Variants in PPDPF observed in about 807,000 individuals in gnomAD.
The protein encoded by PPDPF is exocrine differentiation and proliferation factor.
Under a neutral mutation model 6.3 loss-of-function variants are expected in PPDPF, and 11 were observed. That is an observed-to-expected ratio of 1.76 (90% CI 1.11 to 2.91). The LOEUF is 2.91. Among genes scored for constraint, PPDPF ranks in the 30% most tolerant of loss-of-function variants. PPDPF has a pLI of 0.00. For missense variants in PPDPF, 202 were observed against 159.4 expected, an observed-to-expected ratio of 1.27 and a Z score of -1.44; for synonymous variants, 86 against 64.5, an observed-to-expected ratio of 1.33 and a Z score of -1.60.
At position 63,521,978 on chromosome 20, in the gene PPDPF, C is replaced by A. The variant is rs1400586980; in HGVS notation, c.*99C>A. The A allele has an allele frequency of 2.3e-6, 2 of 873,574 alleles. No homozygotes were observed. The highest frequency in any genetic ancestry group is 3.5e-6 in the Non-Finnish European group (2 of 569,856). 54.1% of individuals were successfully genotyped at this position (873,574 alleles called of 1,614,324 possible). The stretch of plus-strand genomic sequence containing the variant: ...ACTCCGCATCCCTCGCCCCCCTCCC[C>A]ACCTCCCACCCCCCACCCTGTAAAC... On this transcript the variant is annotated 3_prime_UTR_variant, in exon 4 of 4. Transcript: ENST00000370179.
chr20:63,521,040 G>A, intron 1 of PPDPF, 146 bp downstream of exon 1: 2 of 678,722 alleles, frequency 2.9e-6, no homozygotes, highest in Non-Finnish European at 4.1e-6. Flanking sequence ...CGGGCGGGTT[G>A]GGACGGCGCC....
intron 1 of PPDPF, 43 bp from the exon 2 acceptor site, chr20:63,521,241 G>A: frequency 6.7e-7 from 1 of 1,496,402 alleles, no homozygotes; most frequent in Non-Finnish European, 9.0e-7. Flanking sequence ...CCTTCATGAC[G>A]GAAGGCCGCT....
At position 63,521,249 on chromosome 20, in the gene PPDPF, GC is replaced by G; in HGVS notation, c.-25-34del. 14 of 1,525,652 alleles carry G rather than the reference GC, an allele frequency of 9.2e-6. No individual in the cohort carries two copies. In the Middle Eastern group the frequency reaches 2.4e-3, roughly 263 times the overall value. 94.5% of individuals were successfully genotyped at this position (1,525,652 alleles called of 1,614,324 possible). A position where few individuals can be genotyped will look rare whatever the true frequency, so the allele number is the denominator to read the frequency against. Reference sequence around the variant, plus strand: ...GGAGCGCCCTTCATGACGGAAGGCCGCTGACCCGAGGGGCTCCTCCACCCCC... The same window carrying G: ...GGAGCGCCCTTCATGACGGAAGGCCGTGACCCGAGGGGCTCCTCCACCCCC... On this transcript the variant is annotated intron_variant, in intron 1 of 3. Transcript: ENST00000370179.
chr20:63,522,170 G>A lies in PPDPF; in HGVS notation c.*291G>A, dbSNP rs1204576900. On this transcript the variant is annotated 3_prime_UTR_variant, in exon 4 of 4. Transcript: ENST00000370179. Reference sequence around the variant, plus strand: ...TAAACTCCAAGCAGCCAGTAGCCCCGATGGTGTGTGCCTGAGCTGTGTGGC... The same window carrying A: ...TAAACTCCAAGCAGCCAGTAGCCCCAATGGTGTGTGCCTGAGCTGTGTGGC... The A allele has an allele frequency of 5.9e-6, 3 of 504,268 alleles. No individual in the cohort carries two copies. The highest frequency in any genetic ancestry group is 3.8e-5 in the East Asian group (1 of 26,116). The allele number at this position is 504,268 out of a possible 1,614,324, so 31.2% of individuals were successfully genotyped here.
Position 63,521,532 on chromosome 20 carries a change from A to G in PPDPF, c.76A>G (p.Ser26Gly). Residue 26 changes from serine to glycine, a missense_variant, in exon 3 of 4, where the codon AGC becomes GGC. Physicochemically the swap from Ser to Gly is moderately conservative, Grantham distance 56 (BLOSUM62 0). Coordinates refer to ENST00000370179, the MANE Select transcript of PPDPF (RefSeq NM_024299.4). ...YYRRRLGSTS[S>G]NSSCSSTECP... ...TCCAGGCCGCCTGGGTTCCACTTCCAGCAACAGCTCCTGCAGCAGTACCGA... is the reference window on the plus strand; with the variant it reads ...TCCAGGCCGCCTGGGTTCCACTTCCGGCAACAGCTCCTGCAGCAGTACCGA... The G allele has an allele frequency of 6.3e-7, 1 of 1,586,292 alleles. No homozygotes were observed. Among genetic ancestry groups the G allele is most frequent in the Non-Finnish European group, 8.6e-7 (1 of 1,164,800 alleles).
In PPDPF at chr20:63,521,494, G is replaced by A. The variant is rs1277264257; in HGVS notation, c.56-18G>A. ...GGGCTCCGCGCCCCGCGTTGCTGAC[G>A]GGACCTCTCCTCTCCAGGCCGCCTG... is the stretch of plus-strand genomic sequence containing the variant. On this transcript the variant is annotated intron_variant, in intron 2 of 3. Coordinates refer to ENST00000370179, the MANE Select transcript of PPDPF (RefSeq NM_024299.4). 7 of 1,563,844 alleles carry A rather than the reference G, an allele frequency of 4.5e-6. No individual in the cohort carries two copies. In the African/African-American group the frequency reaches 5.4e-5, roughly 12 times the overall value.
intron 1 of PPDPF, 27 bp from the exon 2 acceptor site, chr20:63,521,257 G>T (rs368233557): frequency 5.2e-6 from 8 of 1,549,918 alleles, no homozygotes; most frequent in East Asian, 4.9e-5. Flanking sequence ...CCGCTGACCC[G>T]AGGGGCTCCT....
Position 63,522,202 on chromosome 20 carries a change from T to G in PPDPF, c.*323T>G. 1 of 399,136 alleles carries G rather than the reference T, an allele frequency of 2.5e-6. No homozygotes were observed. Among genetic ancestry groups the G allele is most frequent in the African/African-American group, 2.1e-5 (1 of 48,498 alleles). The allele number at this position is 399,136 out of a possible 1,614,324, so 24.7% of individuals were successfully genotyped here. A position where few individuals can be genotyped will look rare whatever the true frequency, so the allele number is the denominator to read the frequency against. On this transcript the variant is annotated 3_prime_UTR_variant, in exon 4 of 4. Coordinates refer to ENST00000370179, the MANE Select transcript of PPDPF (RefSeq NM_024299.4). ...TGTGCCTGAGCTGTGTGGCCCGAGG[T>G]TCCATTTGAGTGTGAGAAATGGCTG...
rs917418629 is a variant in PPDPF at position 63,522,198 on chromosome 20, G to C, written c.*319G>C. On this transcript the variant is annotated 3_prime_UTR_variant, in exon 4 of 4. Coordinates refer to ENST00000370179, the MANE Select transcript of PPDPF (RefSeq NM_024299.4). Reference sequence around the variant, plus strand: ...GGTGTGTGCCTGAGCTGTGTGGCCCGAGGTTCCATTTGAGTGTGAGAAATG... The same window carrying C: ...GGTGTGTGCCTGAGCTGTGTGGCCCCAGGTTCCATTTGAGTGTGAGAAATG... 7.0e-6 allele frequency: 3 copies of C among 429,118 alleles called. No individual in the cohort carries two copies. Among genetic ancestry groups the C allele is most frequent in the Non-Finnish European group, 4.3e-6 (1 of 230,176 alleles). 26.6% of individuals were successfully genotyped at this position (429,118 alleles called of 1,614,324 possible).
rs1192385362 is a variant in PPDPF, at chr20:63,521,714, C to T, written c.180C>T (p.Phe60=). 9 of 1,613,290 alleles carry T rather than the reference C, an allele frequency of 5.6e-6. No homozygotes were observed. The highest frequency in any genetic ancestry group is 1.6e-4 in the Middle Eastern group (1 of 6,084). ...DPGHWWASFF[F]GKSTLPFMAT... is the part of the protein sequence containing the mutation. ...GTCATTGGTGGGCCAGCTTCTTTTT[C>T]GGGAAGTCCACCCTCCCGTTCATGG... The change falls in exon 4 of 4, where the codon TTC becomes TTT. Residue 60 remains phenylalanine (F), a synonymous_variant. Transcript: ENST00000370179.
In PPDPF at chr20:63,521,951, C is replaced by A. The variant is rs1205956564; in HGVS notation, c.*72C>A. On this transcript the variant is annotated 3_prime_UTR_variant, in exon 4 of 4. Transcript: ENST00000370179. ...CCAGAGCCCCTCCCCGCCCCTCTCC[C>A]CACTCCGCATCCCTCGCCCCCCTCC... 1 of 1,230,270 alleles carries A rather than the reference C, an allele frequency of 8.1e-7. No homozygotes were observed. The allele number at this position is 1,230,270 out of a possible 1,614,324, so 76.2% of individuals were successfully genotyped here.
In PPDPF at chr20:63,521,503, C is replaced by T; in HGVS notation, c.56-9C>T. On this transcript the variant is annotated splice_polypyrimidine_tract_variant and intron_variant, in intron 2 of 3. Coordinates refer to ENST00000370179, the MANE Select transcript of PPDPF (RefSeq NM_024299.4). ...GCCCCGCGTTGCTGACGGGACCTCTCCTCTCCAGGCCGCCTGGGTTCCACT... is the reference window on the plus strand; with the variant it reads ...GCCCCGCGTTGCTGACGGGACCTCTTCTCTCCAGGCCGCCTGGGTTCCACT... The T allele has an allele frequency of 1.9e-6, 3 of 1,571,532 alleles. No homozygotes were observed. Among genetic ancestry groups the T allele is most frequent in the East Asian group, 2.2e-5 (1 of 44,464 alleles).
At position 63,521,567 on chromosome 20, in the gene PPDPF, G is replaced by A. The variant is rs758701835; in HGVS notation, c.111G>A (p.Gly37=). The change falls in exon 3 of 4, where the codon GGG becomes GGA. Residue 37 remains glycine (G), a synonymous_variant. Transcript: ENST00000370179. Reference sequence around the variant, plus strand: ...CCTGCAGCAGTACCGAGTGCCCCGGGGAAGCCATTCCCCACCCCCCAGGTG... The same window carrying A: ...CCTGCAGCAGTACCGAGTGCCCCGGAGAAGCCATTCCCCACCCCCCAGGTG... ...NSSCSSTECP[G]EAIPHPPGLP... 7 of 1,607,584 alleles carry A rather than the reference G, an allele frequency of 4.4e-6. No homozygotes were observed. The highest frequency in any genetic ancestry group is 1.7e-5 in the Admixed American group (1 of 59,514).
intron 1 of PPDPF, 65 bp from the exon 2 acceptor site, chr20:63,521,219 G>T (rs1479936532): frequency 2.1e-6 from 3 of 1,405,686 alleles, no homozygotes; most frequent in Non-Finnish European, 1.9e-6. Context: ...GGCTCCACCC[G>T]CTGGGGAGCG....
rs748772300 is a variant in PPDPF, at chr20:63,521,720, G to T, written c.186G>T (p.Lys62Asn). ...GGTGGGCCAGCTTCTTTTTCGGGAA[G>T]TCCACCCTCCCGTTCATGGCCACGG... ...GHWWASFFFGKSTLPFMATVL... is the reference protein window; with the variant it reads ...GHWWASFFFGNSTLPFMATVL... The change falls in exon 4 of 4, where the codon AAG becomes AAT. Residue 62 changes from lysine (K) to asparagine (N), a missense_variant. Coordinates refer to ENST00000370179, the MANE Select transcript of PPDPF (RefSeq NM_024299.4). The T allele has an allele frequency of 1.9e-6, 3 of 1,613,402 alleles. No homozygotes were observed. In the South Asian group the frequency reaches 3.3e-5, roughly 18 times the overall value.
Position 63,521,944 on chromosome 20 carries a change from C to A in PPDPF, c.*65C>A. On this transcript the variant is annotated 3_prime_UTR_variant, in exon 4 of 4. Coordinates refer to ENST00000370179, the MANE Select transcript of PPDPF (RefSeq NM_024299.4). ...TAGTCCACCAGAGCCCCTCCCCGCC[C>A]CTCTCCCCACTCCGCATCCCTCGCC... 7.8e-7 allele frequency: 1 copy of A among 1,277,246 alleles called. No individual in the cohort carries two copies. The highest frequency in any genetic ancestry group is 1.1e-6 in the Non-Finnish European group (1 of 925,542). The allele number at this position is 1,277,246 out of a possible 1,614,324, so 79.1% of individuals were successfully genotyped here. A position where few individuals can be genotyped will look rare whatever the true frequency, so the allele number is the denominator to read the frequency against.
At chr20:63,521,398 TC>T (rs1431127590) in intron 2 of PPDPF, 35 bp downstream of exon 2, 1 of 1,600,978 alleles carries the variant, frequency 6.2e-7, no homozygotes, top group African/African-American at 1.3e-5. Flanking sequence ...ACGCGGATGC[TC>T]TGCTGGCGCC....
chr20:63,521,862 G>A lies in PPDPF; in HGVS notation c.328G>A (p.Ala110Thr), dbSNP rs2082551397. 1.9e-6 allele frequency: 3 copies of A among 1,596,142 alleles called. No homozygotes were observed. Among genetic ancestry groups the A allele is most frequent in the Non-Finnish European group, 2.6e-6 (3 of 1,172,334 alleles). ...CGGCGGTCAGTCCAGCACAGCCAGC[G>A]CTGGGCCCCCGTCCTGACCTGAGCG... is the stretch of plus-strand genomic sequence containing the variant. ...QPGGQSSTAS[A>T]GPPS The change falls in exon 4 of 4, where the codon GCT becomes ACT. Residue 110 changes from alanine to threonine, a missense_variant. Transcript: ENST00000370179.
In PPDPF at chr20:63,521,654, T is replaced by G; in HGVS notation, c.134-14T>G. 1.9e-6 allele frequency: 3 copies of G among 1,612,798 alleles called. No homozygotes were observed. Among genetic ancestry groups the G allele is most frequent in the Middle Eastern group, 3.3e-4 (2 of 6,060 alleles). On this transcript the variant is annotated splice_polypyrimidine_tract_variant and intron_variant, in intron 3 of 3. Transcript: ENST00000370179. Reference sequence around the variant, plus strand: ...GGAGCTGGCAGCATCAAGACCCCACTTCGCTTCTCTCAGGTCTCCCCAAGG... The same window carrying G: ...GGAGCTGGCAGCATCAAGACCCCACGTCGCTTCTCTCAGGTCTCCCCAAGG...
Sources: allele counts gnomAD v4.1 joint callset, GRCh38; gene constraint gnomAD v4.1.1; transcripts MANE v1.5; gene names NCBI Gene and HGNC (gene_info 2026-07-23, HGNC 2026-07-21).